HOOK3: variants seen among roughly 807,000 people sequenced by gnomAD.
HOOK3 encodes the protein hook microtubule tethering protein 3.
A neutral mutation model predicts 116.3 loss-of-function variants in HOOK3; 24 were observed. That is an observed-to-expected ratio of 0.21 (90% CI 0.15 to 0.29). HOOK3 has a LOEUF of 0.29. Among genes scored for constraint, HOOK3 ranks in the 10% least tolerant of loss-of-function variants. The pLI is 1.00. For missense variants in HOOK3, 632 were observed against 830.2 expected, an observed-to-expected ratio of 0.76 and a Z score of 2.93; for synonymous variants, 275 against 283.0, an observed-to-expected ratio of 0.97 and a Z score of 0.28.
intron 17 of HOOK3, among the ~76,000 whole-genome samples, chr8:43,003,517 C>T (rs1285017318): frequency 6.6e-6 from 1 of 152,142 alleles, no homozygotes; most frequent in East Asian, 1.9e-4. Context: ...GACCATTATT[C>T]TGTGCGCAGT....
At chr8:42,913,350 G>T (rs1056258217) in intron 2 of HOOK3, among the ~76,000 whole-genome samples, 1 of 152,048 alleles carries the variant, frequency 6.6e-6, no homozygotes, top group Non-Finnish European at 1.5e-5. Context: ...AGATTAATTT[G>T]CATTTTCTAA....
In HOOK3 at chr8:43,023,909, C is replaced by G. The variant is rs1428234992; in HGVS notation, c.*5411C>G. The G allele has an allele frequency of 5.0e-6, 1 of 200,892 alleles. No homozygotes were observed. Among genetic ancestry groups the G allele is most frequent in the Non-Finnish European group, 1.0e-5 (1 of 97,736 alleles). The allele number at this position is 200,892 out of a possible 1,614,324, so 12.4% of individuals were successfully genotyped here. ...TGTTAAAAACTTGGAAGTCTTTATC[C>G]CAATATAAGAATTATCTTGAAACAA... On this transcript the variant is annotated 3_prime_UTR_variant, in exon 22 of 22. Transcript: ENST00000307602.
At chr8:42,976,045 T>C (rs551075913) in intron 13 of HOOK3, among the ~76,000 whole-genome samples, 3 of 149,200 alleles carry the variant, frequency 2.0e-5, no homozygotes, top group Non-Finnish European at 3.0e-5. Flanking sequence ...TATATATGTG[T>C]GTGTGTGTGT....
intron 4 of HOOK3, among the ~76,000 whole-genome samples, chr8:42,934,861 T>C (rs1807936961): frequency 6.6e-6 from 1 of 152,244 alleles, no homozygotes; most frequent in South Asian, 2.1e-4. Flanking sequence ...CATGTGTGCA[T>C]GTGTCTTTAT....
At chr8:42,898,009 T>C (rs116884520) in intron 1 of HOOK3, among the ~76,000 whole-genome samples, 2,328 of 152,352 alleles carry the variant, frequency 0.015, 32 homozygotes, top group Non-Finnish European at 0.022. Context: ...TTGCTGAGAA[T>C]GTTAATTAAA....
intron 2 of HOOK3, among the ~76,000 whole-genome samples, chr8:42,907,045 A>G (rs1020345184): frequency 6.6e-6 from 1 of 152,250 alleles, no homozygotes; most frequent in African/African-American, 2.4e-5. Context: ...ATATTATATG[A>G]CTATCAGCTT....
At chr8:42,923,398 C>A (rs564245499) in intron 2 of HOOK3, among the ~76,000 whole-genome samples, 59 of 152,194 alleles carry the variant, frequency 3.9e-4, no homozygotes, top group Admixed American at 6.5e-4. Context: ...ATAATGGCCC[C>A]AAAGTGGAAA....
chr8:42,943,672 C>T (rs1028527164), intron 5 of HOOK3, among the ~76,000 whole-genome samples: 2 of 151,994 alleles, frequency 1.3e-5, no homozygotes, highest in Non-Finnish European at 2.9e-5. Context: ...TGTGCAATAC[C>T]ACATAATTCC....
intron 21 of HOOK3, among the ~76,000 whole-genome samples, chr8:43,016,242 C>T (rs572532203): frequency 1.5e-3 from 234 of 151,638 alleles, no homozygotes; most frequent in African/African-American, 5.5e-3. Context: ...CTCAGCCTCC[C>T]GAGTAGCTGG....
intron 18 of HOOK3, among the ~76,000 whole-genome samples, chr8:43,008,861 G>A (rs1292041233): frequency 6.0e-5 from 9 of 149,150 alleles, no homozygotes; most frequent in Non-Finnish European, 1.0e-4. Context: ...GGGTTTCACC[G>A]TTTTAGCCGG....
At position 43,029,155 on chromosome 8, in the gene HOOK3, T is replaced by G. The variant is rs1300185173; in HGVS notation, c.*10657T>G. On this transcript the variant is annotated 3_prime_UTR_variant, in exon 22 of 22. Coordinates refer to ENST00000307602, the MANE Select transcript of HOOK3 (RefSeq NM_032410.4). ...TCTTTAACAGCAATCTTTTATTTAT[T>G]TATTTATTTATTTTTGAGACGGAGT... The G allele has an allele frequency of 5.7e-6, 1 of 174,502 alleles. No individual in the cohort carries two copies. The highest frequency in any genetic ancestry group is 1.2e-5 in the Non-Finnish European group (1 of 80,846). 10.8% of individuals were successfully genotyped at this position (174,502 alleles called of 1,614,324 possible).
intron 4 of HOOK3, among the ~76,000 whole-genome samples, chr8:42,940,748 A>T (rs1219238313): frequency 2.0e-5 from 3 of 151,798 alleles, no homozygotes; most frequent in Non-Finnish European, 4.4e-5. Flanking sequence ...CTTCTTGAGG[A>T]ATATCTTTGT....
At chr8:42,929,116 A>G (rs1445922401) in intron 3 of HOOK3, among the ~76,000 whole-genome samples, 1 of 152,234 alleles carries the variant, frequency 6.6e-6, no homozygotes, top group East Asian at 1.9e-4. Context: ...TACCATTTTA[A>G]ATGAATGGTA....
chr8:42,943,268 T>TG, intron 4 of HOOK3, 45 bp from the exon 5 acceptor site: 1 of 1,182,666 alleles, frequency 8.5e-7, no homozygotes. Context: ...TTTTTTTTGG[T>TG]CATATAAATG....
At chr8:42,934,604 C>T (rs1807931271) in intron 4 of HOOK3, among the ~76,000 whole-genome samples, 1 of 151,764 alleles carries the variant, frequency 6.6e-6, no homozygotes, top group Non-Finnish European at 1.5e-5. Flanking sequence ...CATGTGTTCT[C>T]ACTGTTCAGT....
At chr8:42,967,348 G>A (rs575396320) in intron 10 of HOOK3, among the ~76,000 whole-genome samples, 4 of 152,214 alleles carry the variant, frequency 2.6e-5, no homozygotes, top group African/African-American at 9.6e-5. Context: ...GTGAACTGCT[G>A]AACTCTCCAT....
intron 15 of HOOK3, among the ~76,000 whole-genome samples, chr8:42,989,338 G>A (rs1022491016): frequency 2.0e-5 from 3 of 152,216 alleles, no homozygotes; most frequent in Admixed American, 2.0e-4. Context: ...GAAGGTAGAG[G>A]CAATTCACAT....
intron 6 of HOOK3, among the ~76,000 whole-genome samples, chr8:42,951,769 C>G (rs555786337): frequency 6.6e-6 from 1 of 151,772 alleles, no homozygotes; most frequent in African/African-American, 2.4e-5. Context: ...GGTGAAACTT[C>G]GTCTGTACTA....
intron 9 of HOOK3, among the ~76,000 whole-genome samples, chr8:42,965,926 C>T (rs1035469424): frequency 2.0e-5 from 3 of 152,148 alleles, no homozygotes; most frequent in Non-Finnish European, 4.4e-5. Flanking sequence ...GACTATGTGT[C>T]TGCAAGGCTG....
Sources: allele counts gnomAD v4.1 joint callset (sites outside exome capture counted in the v4.1 genomes callset), GRCh38; gene constraint gnomAD v4.1.1; transcripts MANE v1.5; gene names NCBI Gene and HGNC (gene_info 2026-07-23, HGNC 2026-07-21).